ERO1B: variants seen among roughly 807,000 people sequenced by gnomAD.
ERO1B encodes ERO1-like protein beta.
Under a neutral mutation model 75.3 loss-of-function variants are expected in ERO1B, and 49 were observed. The ratio of observed to expected loss-of-function variants is 0.65; its 90% CI spans 0.52 to 0.83. The LOEUF (loss-of-function observed/expected upper bound fraction) is 0.83. Among genes scored for constraint, ERO1B ranks in the 40% least tolerant of loss-of-function variants. The pLI is 0.00. For missense variants in ERO1B, 512 were observed against 560.1 expected (o/e 0.91, Z 0.87); for synonymous variants, 191 against 192.9 (o/e 0.99, Z 0.08).
chr1:236,269,155 A>C (rs1665533877), intron 2 of ERO1B, among the ~76,000 whole-genome samples: 1 of 152,184 alleles, frequency 6.6e-6, no homozygotes, highest in African/African-American at 2.4e-5. Flanking sequence ...GAATCGCTTG[A>C]AGCCAGGAGG....
intron 6 of ERO1B, among the ~76,000 whole-genome samples, chr1:236,241,386 A>G (rs1019869372): frequency 7.5e-6 from 1 of 133,562 alleles, no homozygotes; most frequent in Non-Finnish European, 1.6e-5. Context: ...TCTACTAAAA[A>G]TAAAAAAAAA....
intron 15 of ERO1B, among the ~76,000 whole-genome samples, chr1:236,219,310 C>G (rs960753094): frequency 2.6e-5 from 4 of 152,106 alleles, no homozygotes; most frequent in African/African-American, 9.7e-5. Flanking sequence ...TACTAAAGGG[C>G]AGGCCAGGAT....
At chr1:236,239,835 GTGTA>G (rs1193958037) in intron 6 of ERO1B, among the ~76,000 whole-genome samples, 4,103 of 41,896 alleles carry the variant, frequency 0.098, 393 homozygotes, top group East Asian at 0.46. Context: ...GTATATATAT[GTGTA>G]TATATATATG....
chr1:236,245,304 ATATATATATATATATATACACACACG>A (rs1664817563), intron 5 of ERO1B, among the ~76,000 whole-genome samples: 2 of 20,808 alleles, frequency 9.6e-5, no homozygotes, highest in Non-Finnish European at 1.5e-4. Flanking sequence ...CAAAATATAT[ATATATATATATATATATACACACACG>A]TATATATATA....
intron 5 of ERO1B, among the ~76,000 whole-genome samples, chr1:236,249,511 G>A (rs1726640): frequency 0.25 from 37,713 of 151,984 alleles, 4,855 homozygotes; most frequent in East Asian, 0.38. Context: ...AAATTTAACA[G>A]GCTAATAACT....
At chr1:236,241,994 G>A (rs1315306346) in intron 6 of ERO1B, among the ~76,000 whole-genome samples, 1 of 151,568 alleles carries the variant, frequency 6.6e-6, no homozygotes, top group African/African-American at 2.4e-5. Context: ...CGTGAACCTG[G>A]GGGGCGGAGC....
At chr1:236,223,126 C>T (rs534827801) in intron 13 of ERO1B, among the ~76,000 whole-genome samples, 43 of 149,434 alleles carry the variant, frequency 2.9e-4, no homozygotes, top group African/African-American at 9.2e-4. Flanking sequence ...AGCTTGAACC[C>T]GGGAGGTGGA....
chr1:236,253,957 T>G (rs1726656), intron 2 of ERO1B, among the ~76,000 whole-genome samples: 37,731 of 152,028 alleles, frequency 0.25, 4,865 homozygotes, highest in East Asian at 0.38. Context: ...ACAAAGAAAA[T>G]CCAGAGAACT....
chr1:236,249,603 C>T (rs758687561), intron 5 of ERO1B, among the ~76,000 whole-genome samples: 3 of 152,088 alleles, frequency 2.0e-5, no homozygotes, highest in Non-Finnish European at 4.4e-5. Context: ...CCATAGTAAT[C>T]AGGAAAAATT....
At chr1:236,226,796 A>T in intron 10 of ERO1B, 57 bp from the exon 11 acceptor site, 1 of 1,344,550 alleles carries the variant, frequency 7.4e-7, no homozygotes, top group Middle Eastern at 2.0e-4. Context: ...AGAAATATTG[A>T]CTCAAGGAGG....
chr1:236,234,405 G>GA (rs1664488121), intron 8 of ERO1B, among the ~76,000 whole-genome samples: 2 of 152,194 alleles, frequency 1.3e-5, no homozygotes, highest in African/African-American at 4.8e-5. Flanking sequence ...AAAAGGTCTG[G>GA]AAGAACACCT....
intron 9 of ERO1B, among the ~76,000 whole-genome samples, chr1:236,230,456 A>G (rs1181267366): frequency 6.6e-6 from 1 of 151,798 alleles, no homozygotes; most frequent in Non-Finnish European, 1.5e-5. Flanking sequence ...TACTAAAAAT[A>G]CAAAAAATTA....
chr1:236,218,681 TAAAA>T (rs1664059860), intron 15 of ERO1B, 105 bp from the exon 16 acceptor site: 2 of 1,001,536 alleles, frequency 2.0e-6, no homozygotes, highest in South Asian at 4.2e-5. Flanking sequence ...AAACCTAAAA[TAAAA>T]AACCTCAAAC....
chr1:236,226,764 A>T (rs200533898), intron 10 of ERO1B, 25 bp from the exon 11 acceptor site: 55 of 1,543,520 alleles, frequency 3.6e-5, no homozygotes, highest in Non-Finnish European at 8.9e-7. Flanking sequence ...ATTGAAAAAG[A>T]AATTACACCT....
chr1:236,268,734 A>G (rs1665521991), intron 2 of ERO1B, among the ~76,000 whole-genome samples: 3 of 151,172 alleles, frequency 2.0e-5, no homozygotes, highest in South Asian at 4.2e-4. Flanking sequence ...AAAATACAAA[A>G]TATTAGCCGT....
chr1:236,256,820 G>A (rs994349348), intron 2 of ERO1B, among the ~76,000 whole-genome samples: 2 of 152,026 alleles, frequency 1.3e-5, no homozygotes, highest in Admixed American at 1.3e-4. Flanking sequence ...TCTGGGAGTT[G>A]ATGAAGCCCT....
chr1:236,239,877 A>ATATGTG, intron 6 of ERO1B, among the ~76,000 whole-genome samples: 1 of 96,028 alleles, frequency 1.0e-5, no homozygotes, highest in African/African-American at 3.7e-5. Flanking sequence ...ATATGTGTAT[A>ATATGTG]TGTGTGTGTG....
At chr1:236,239,622 G>T (rs1030035389) in intron 6 of ERO1B, among the ~76,000 whole-genome samples, 3 of 151,576 alleles carry the variant, frequency 2.0e-5, no homozygotes, top group African/African-American at 7.3e-5. Context: ...GTCTCAGTTT[G>T]CACAGCTGCG....
chr1:236,220,934 A>G lies in ERO1B; in HGVS notation c.1241T>C (p.Leu414Ser). 6.2e-7 allele frequency: 1 copy of G among 1,602,616 alleles called. No individual in the cohort carries two copies. The highest frequency in any genetic ancestry group is 8.5e-7 in the Non-Finnish European group (1 of 1,175,006). ...CTTTTGGATTTCTTTTTCAGAGAAT[A>G]ATATCTTCAGGGCAGTTCCTAAACC... is the stretch of plus-strand genomic sequence containing the variant. ...TQGLGTALKI[L>S]FSEKEIQKLP... The change falls in exon 15 of 16, where the codon TTA becomes TCA. Residue 414 changes from leucine (L) to serine (S), a missense_variant. Transcript: ENST00000354619.
Sources: gnomAD v4.1 joint callset for allele counts (sites outside exome capture counted in the v4.1 genomes callset) on GRCh38, gnomAD v4.1.1 for gene constraint, MANE v1.5 for transcripts, NCBI Gene and HGNC (gene_info 2026-07-23, HGNC 2026-07-21) for gene names.